The following TIMD4 variants were observed in gnomAD, a reference collection of about 807,000 sequenced individuals.
TIMD4 encodes the protein T cell immunoglobulin and mucin domain containing 4.
A neutral mutation model predicts 41.2 loss-of-function variants in TIMD4; 31 were observed. The ratio of observed to expected loss-of-function variants is 0.75; its 90% CI spans 0.57 to 1.01. The LOEUF (loss-of-function observed/expected upper bound fraction) is 1.01, where lower values mean the gene tolerates loss of function less well. Ranked by LOEUF, TIMD4 falls within the 50% of genes least tolerant of loss-of-function variation. TIMD4 has a pLI of 0.00. For missense variants in TIMD4, 479 were observed against 472.5 expected (o/e 1.01, Z -0.13); for synonymous variants, 204 against 177.1 (o/e 1.15, Z -1.21).
At position 156,939,797 on chromosome 5, in the gene TIMD4, T is replaced by C. The variant is rs1041358173; in HGVS notation, c.844+8619A>G. On this transcript the variant is annotated intron_variant, in intron 5 of 8. Coordinates refer to ENST00000274532, the MANE Select transcript of TIMD4 (RefSeq NM_138379.3). Reference sequence around the variant, plus strand: ...TCCGTCCCCTCTCTATTGTTGTTGCTGCTATCATTCTAATCTAGACACTCA... The same window carrying C: ...TCCGTCCCCTCTCTATTGTTGTTGCCGCTATCATTCTAATCTAGACACTCA... Among the ~76,000 whole-genome samples the C allele has an allele frequency of 8.5e-5, 13 of 152,230 alleles. No homozygotes were observed. In the South Asian group the frequency reaches 1.4e-3, roughly 17 times the overall value.
chr5:156,943,282 T>C (rs2113371071), intron 5 of TIMD4, among the ~76,000 whole-genome samples: 1 of 152,326 alleles, frequency 6.6e-6, no homozygotes, highest in African/African-American at 2.4e-5. Context: ...AATTATGTAC[T>C]AGGCATTTTT....
rs772823522 is a variant in TIMD4 at position 156,919,422 on chromosome 5, T to G, written c.*35A>C. ...GACTTATTTTGACACTGGAGTGTCA[T>G]GCCCCCATCCTCAATCTAACATGCT... On this transcript the variant is annotated 3_prime_UTR_variant, in exon 9 of 9. Coordinates refer to ENST00000274532, the MANE Select transcript of TIMD4 (RefSeq NM_138379.3). 1.3e-6 allele frequency: 2 copies of G among 1,573,320 alleles called. No homozygotes were observed. The highest frequency in any genetic ancestry group is 1.7e-6 in the Non-Finnish European group (2 of 1,144,114).
intron 1 of TIMD4, among the ~76,000 whole-genome samples, chr5:156,960,608 T>C (rs1760062061): frequency 1.3e-5 from 2 of 152,144 alleles, no homozygotes; most frequent in African/African-American, 4.8e-5. Flanking sequence ...GGTTTCACCA[T>C]GTTGGCCAGG....
At chr5:156,949,947 A>G (rs1199823284) in intron 3 of TIMD4, among the ~76,000 whole-genome samples, 1 of 152,164 alleles carries the variant, frequency 6.6e-6, no homozygotes, top group African/African-American at 2.4e-5. Flanking sequence ...CCTCCCGAGC[A>G]GCTGGGATTA....
At chr5:156,935,059 A>G (rs890809353) in intron 5 of TIMD4, among the ~76,000 whole-genome samples, 1 of 152,220 alleles carries the variant, frequency 6.6e-6, no homozygotes, top group South Asian at 2.1e-4. Flanking sequence ...CCTCGGGCTT[A>G]CGCTGCCCCC....
At chr5:156,958,628 G>A (rs968897116) in intron 1 of TIMD4, among the ~76,000 whole-genome samples, 4 of 152,218 alleles carry the variant, frequency 2.6e-5, no homozygotes, top group East Asian at 1.9e-4. Flanking sequence ...TAGCCACACT[G>A]TGAGGAAATT....
rs772909227 is a variant in TIMD4 at position 156,919,488 on chromosome 5, C to T, written c.1106G>A (p.Arg369Lys). 1.2e-5 allele frequency: 20 copies of T among 1,613,966 alleles called. No homozygotes were observed. The East Asian group carries it at 1.8e-4, about 14-fold the overall frequency. ...GGTAAAAAGGCCGTCTTCGTCTTCC[C>T]TTCCATGCTGCACGTCATTGAGGAC... is the stretch of plus-strand genomic sequence containing the variant. ...KNVLNDVQHG[R>K]EDEDGLFTL Residue 369 changes from arginine (R) to lysine (K), a missense_variant, in exon 9 of 9, where the codon AGG (arginine) becomes AAG (lysine). Transcript: ENST00000274532.
chr5:156,925,925 GAC>G (rs754270840), intron 6 of TIMD4, among the ~76,000 whole-genome samples: 3 of 152,198 alleles, frequency 2.0e-5, no homozygotes, highest in East Asian at 3.8e-4. Flanking sequence ...TGTTTTAAGA[GAC>G]ACAGTCTCAC....
At chr5:156,933,786 TTGAGGAGCTG>T (rs1759489545) in intron 5 of TIMD4, among the ~76,000 whole-genome samples, 2 of 152,076 alleles carry the variant, frequency 1.3e-5, no homozygotes, top group Admixed American at 1.3e-4. Context: ...ACTCCTGACC[TTGAGGAGCTG>T]TGATCCACCC....
intron 5 of TIMD4, among the ~76,000 whole-genome samples, chr5:156,927,859 C>G (rs566723672): frequency 1.2e-4 from 18 of 152,208 alleles, no homozygotes; most frequent in African/African-American, 4.3e-4. Context: ...TTTACAGTCA[C>G]TGAGTGACCG....
At chr5:156,929,945 T>C (rs1015710027) in intron 5 of TIMD4, among the ~76,000 whole-genome samples, 3 of 152,170 alleles carry the variant, frequency 2.0e-5, no homozygotes, top group African/African-American at 7.2e-5. Context: ...TAATGTCATA[T>C]TGTTATTAAA....
chr5:156,921,989 A>T, intron 7 of TIMD4, 110 bp downstream of exon 7: 1 of 778,710 alleles, frequency 1.3e-6, no homozygotes. Flanking sequence ...CAATGGCAGA[A>T]CTGAGCCTCT....
chr5:156,946,727 C>T (rs996284017), intron 5 of TIMD4, among the ~76,000 whole-genome samples: 1 of 151,704 alleles, frequency 6.6e-6, no homozygotes, highest in Non-Finnish European at 1.5e-5. Flanking sequence ...CCTCGTGATC[C>T]GCCTGCCTCG....
chr5:156,928,000 C>T (rs942311769), intron 5 of TIMD4, among the ~76,000 whole-genome samples: 2 of 152,058 alleles, frequency 1.3e-5, no homozygotes, highest in Non-Finnish European at 2.9e-5. Flanking sequence ...GCAGTTGACC[C>T]CCTCAGAGTA....
intron 1 of TIMD4, among the ~76,000 whole-genome samples, chr5:156,961,732 G>C (rs567492575): frequency 2.1e-4 from 30 of 140,242 alleles, no homozygotes; most frequent in Non-Finnish European, 3.3e-4. Flanking sequence ...GGACCCAGGA[G>C]GCAGAGCTTG....
rs545240191 is a variant in TIMD4, at chr5:156,925,748, T to C, written c.894+515A>G. ...TTTTGCTTTTCAAAGTATTGGCACA[T>C]ACAGATGTAACAATCAAGGTTATTT... On this transcript the variant is annotated intron_variant, in intron 6 of 8. Transcript: ENST00000274532. Among the ~76,000 whole-genome samples the C allele has an allele frequency of 2.0e-5, 3 of 152,378 alleles. 1 individual carries two copies. In the East Asian group the frequency reaches 5.8e-4, roughly 29 times the overall value.
At chr5:156,948,897 T>C (rs1192171247) in intron 4 of TIMD4, among the ~76,000 whole-genome samples, 1 of 152,238 alleles carries the variant, frequency 6.6e-6, no homozygotes, top group Non-Finnish European at 1.5e-5. Context: ...AGATGTCTGT[T>C]TTCCCTTGCT....
At chr5:156,922,305 C>G (rs1272772983) in intron 6 of TIMD4, 89 bp from the exon 7 acceptor site, 1 of 1,001,308 alleles carries the variant, frequency 1.0e-6, no homozygotes, top group Non-Finnish European at 1.6e-6. Flanking sequence ...CACCTTACAA[C>G]CACCAGCAGT....
chr5:156,933,532 A>G (rs1015834618), intron 5 of TIMD4, among the ~76,000 whole-genome samples: 1 of 110,878 alleles, frequency 9.0e-6, no homozygotes, highest in African/African-American at 3.4e-5. Flanking sequence ...TTATCTGTTC[A>G]TGGGTGAGAG....
Sources: gnomAD v4.1 joint callset for allele counts (sites outside exome capture counted in the v4.1 genomes callset) on GRCh38, gnomAD v4.1.1 for gene constraint, MANE v1.5 for transcripts, NCBI Gene and HGNC (gene_info 2026-07-23, HGNC 2026-07-21) for gene names.